UBE2F: variants seen among roughly 807,000 people sequenced by gnomAD.
UBE2F encodes the protein ubiquitin conjugating enzyme E2 F (putative), also known as NEDD8-conjugating enzyme UBE2F.
A neutral mutation model predicts 29.6 loss-of-function variants in UBE2F; 5 were observed. That is an observed-to-expected ratio of 0.17 (90% CI 0.09 to 0.36). UBE2F has a LOEUF of 0.36. Among genes scored for constraint, UBE2F ranks in the 10% least tolerant of loss-of-function variants. The probability of loss-of-function intolerance (pLI) is 1.00; values close to 1 mark genes in which losing one functional copy is unlikely to be tolerated. For synonymous variants in UBE2F, 66 were observed against 81.8 expected (o/e 0.81, Z 1.04); for missense variants, 141 against 228.5 (o/e 0.62, Z 2.47).
intron 3 of UBE2F, among the ~76,000 whole-genome samples, chr2:237,991,886 G>T: frequency 1.4e-5 from 2 of 142,726 alleles, no homozygotes. Flanking sequence ...TTTTTTTTGA[G>T]ACAGAGTCAC....
At chr2:238,013,122 T>C (rs539526154) in intron 4 of UBE2F, among the ~76,000 whole-genome samples, 8 of 152,172 alleles carry the variant, frequency 5.3e-5, no homozygotes, top group Admixed American at 4.6e-4. Flanking sequence ...ACAAAAAAAC[T>C]AGCTGGGCGT....
chr2:238,024,511 CT>C (rs898268339), intron 5 of UBE2F, among the ~76,000 whole-genome samples: 22 of 151,350 alleles, frequency 1.5e-4, no homozygotes, highest in Non-Finnish European at 2.5e-4. Context: ...ATGCCCAGCT[CT>C]TTTTTTTTCC....
At chr2:238,024,974 A>T (rs1487987468) in intron 5 of UBE2F, among the ~76,000 whole-genome samples, 1 of 152,218 alleles carries the variant, frequency 6.6e-6, no homozygotes, top group Admixed American at 6.5e-5. Flanking sequence ...GAGGATGTAG[A>T]ACTATTCCTT....
chr2:238,037,799 G>C (rs2064750679), intron 9 of UBE2F, among the ~76,000 whole-genome samples: 1 of 152,056 alleles, frequency 6.6e-6, no homozygotes, highest in Non-Finnish European at 1.5e-5. Context: ...AGTAGAGAGG[G>C]GGTTTTACCA....
At chr2:238,029,974 C>T (rs2106404674) in intron 6 of UBE2F, among the ~76,000 whole-genome samples, 1 of 151,284 alleles carries the variant, frequency 6.6e-6, no homozygotes, top group Middle Eastern at 3.5e-3. Flanking sequence ...TGAGACAGGG[C>T]CTCACACTAT....
chr2:237,986,569 T>C (rs2063486358), intron 2 of UBE2F, among the ~76,000 whole-genome samples: 1 of 152,218 alleles, frequency 6.6e-6, no homozygotes, highest in African/African-American at 2.4e-5. Flanking sequence ...TGGTGTGATA[T>C]CAAAAAAATC....
intron 3 of UBE2F, among the ~76,000 whole-genome samples, chr2:237,991,479 A>T (rs181579493): frequency 1.6e-4 from 25 of 152,152 alleles, no homozygotes; most frequent in African/African-American, 6.0e-4. Flanking sequence ...AGACTGAAAT[A>T]TTAGAGGCTC....
chr2:237,998,827 T>C (rs1359087107), intron 4 of UBE2F, among the ~76,000 whole-genome samples: 1 of 152,162 alleles, frequency 6.6e-6, no homozygotes, highest in East Asian at 1.9e-4. Context: ...TGGTATATCA[T>C]TGGGGTTTTT....
intron 5 of UBE2F, among the ~76,000 whole-genome samples, chr2:238,019,899 A>T (rs2064252918): frequency 2.0e-5 from 3 of 151,878 alleles, no homozygotes; most frequent in African/African-American, 7.3e-5. Flanking sequence ...ACCTCAGGTG[A>T]TCCGCTGCCT....
intron 6 of UBE2F, among the ~76,000 whole-genome samples, chr2:238,027,823 T>A (rs534775179): frequency 6.6e-6 from 1 of 152,284 alleles, no homozygotes; most frequent in Admixed American, 6.5e-5. Flanking sequence ...GACTGATGGG[T>A]GCCTGGGGCT....
chr2:238,013,325 A>G (rs541271987), intron 4 of UBE2F, among the ~76,000 whole-genome samples: 5 of 152,312 alleles, frequency 3.3e-5, no homozygotes, highest in African/African-American at 1.2e-4. Flanking sequence ...GCGAATGGAG[A>G]CACAGTGGTG....
At chr2:237,976,618 G>T (rs944860912) in intron 2 of UBE2F, among the ~76,000 whole-genome samples, 5 of 152,074 alleles carry the variant, frequency 3.3e-5, no homozygotes, top group Non-Finnish European at 5.9e-5. Context: ...AGAGATGGAA[G>T]GGCAAAAAGG....
chr2:238,015,941 AGCAT>A (rs1355362667), intron 4 of UBE2F, among the ~76,000 whole-genome samples: 1 of 152,078 alleles, frequency 6.6e-6, no homozygotes, highest in Non-Finnish European at 1.5e-5. Context: ...GGGGGTACAC[AGCAT>A]GTGGATGGCA....
intron 3 of UBE2F, among the ~76,000 whole-genome samples, chr2:237,992,912 GTC>G (rs1353884298): frequency 2.0e-5 from 3 of 151,396 alleles, no homozygotes; most frequent in Non-Finnish European, 4.4e-5. Context: ...TTTTTAAAAA[GTC>G]TTCTAAAAAA....
intron 2 of UBE2F, among the ~76,000 whole-genome samples, chr2:237,975,255 C>T (rs1446040574): frequency 6.6e-6 from 1 of 151,996 alleles, no homozygotes; most frequent in East Asian, 1.9e-4. Context: ...GCGTGCACCA[C>T]CATGCTTAGC....
chr2:237,987,907 G>A, intron 2 of UBE2F, 56 bp from the exon 3 acceptor site: 7 of 978,042 alleles, frequency 7.2e-6, no homozygotes, highest in Non-Finnish European at 1.1e-5. Flanking sequence ...TTTAGAACTG[G>A]TGATTTTATG....
chr2:237,992,839 T>A (rs1203030733), intron 3 of UBE2F, among the ~76,000 whole-genome samples: 1 of 152,220 alleles, frequency 6.6e-6, no homozygotes, highest in Non-Finnish European at 1.5e-5. Context: ...TCGATAAAAA[T>A]TTTTATCATT....
intron 7 of UBE2F, among the ~76,000 whole-genome samples, chr2:238,031,756 G>A (rs1272569568): frequency 6.6e-6 from 1 of 152,180 alleles, no homozygotes; most frequent in Non-Finnish European, 1.5e-5. Context: ...AATAACTAAT[G>A]CAAAATCATT....
At chr2:237,983,766 G>A (rs748127404) in intron 2 of UBE2F, among the ~76,000 whole-genome samples, 3 of 152,132 alleles carry the variant, frequency 2.0e-5, no homozygotes, top group African/African-American at 7.2e-5. Flanking sequence ...GAATCAGCAA[G>A]GTCTGATCCA....
Sources: allele counts gnomAD v4.1 joint callset (sites outside exome capture counted in the v4.1 genomes callset), GRCh38; gene constraint gnomAD v4.1.1; transcripts MANE v1.5; gene names NCBI Gene and HGNC (gene_info 2026-07-23, HGNC 2026-07-21).